Variants in THSD7B observed in about 807,000 individuals in gnomAD.
The protein encoded by THSD7B is thrombospondin type 1 domain containing 7B.
A neutral mutation model predicts 213.6 loss-of-function variants in THSD7B; 138 were observed. That is an observed-to-expected ratio of 0.65 (90% confidence interval 0.56 to 0.74). The LOEUF (loss-of-function observed/expected upper bound fraction) is 0.74. Ranked by LOEUF, THSD7B falls within the 30% of genes least tolerant of loss-of-function variation. The probability of loss-of-function intolerance (pLI) is 0.00; values close to 1 mark genes in which losing one functional copy is unlikely to be tolerated. For missense variants in THSD7B, 1,931 were observed against 1,991.5 expected (o/e 0.97, Z 0.58); for synonymous variants, 742 against 687.0 (o/e 1.08, Z -1.25).
intron 14 of THSD7B, among the ~76,000 whole-genome samples, chr2:137,427,298 C>T (rs77989931): frequency 0.021 from 3,197 of 152,018 alleles, 121 homozygotes; most frequent in African/African-American, 0.071. Context: ...TGGTATAATT[C>T]CCCCTTCCAA....
intron 15 of THSD7B, chr2:137,452,011 C>G (rs1687661489): frequency 2.2e-6 from 2 of 927,392 alleles, no homozygotes; most frequent in African/African-American, 1.8e-5. Flanking sequence ...TATGTCCTTT[C>G]TTAATTATAA....
At chr2:137,258,805 G>A (rs1231132229) in intron 10 of THSD7B, among the ~76,000 whole-genome samples, 1 of 151,782 alleles carries the variant, frequency 6.6e-6, no homozygotes, top group Non-Finnish European at 1.5e-5. Flanking sequence ...GCATGCATTA[G>A]GTATTTGTCC....
Position 136,811,498 on chromosome 2 carries a change from A to G in THSD7B, c.-36+45811A>G, listed in dbSNP as rs75128865. On this transcript the variant is annotated intron_variant, in intron 1 of 27. Transcript: ENST00000409968. ...GTTACTTCTTTAGATTAAATAAATT[A>G]ATTCCATAGTGTATAATAATTATTT... 1.6e-4 allele frequency among the ~76,000 whole-genome samples: 24 copies of G among 152,256 alleles called. No individual in the cohort carries two copies. The East Asian group carries it at 4.3e-3, about 27-fold the overall frequency.
chr2:137,050,282 G>A (rs1170095302), intron 2 of THSD7B, among the ~76,000 whole-genome samples: 1 of 152,128 alleles, frequency 6.6e-6, no homozygotes. Context: ...TTTTTAAAAG[G>A]TGGTTTTCTG....
At chr2:136,998,261 C>CAAAAAAAAAAA (rs33931359) in intron 2 of THSD7B, among the ~76,000 whole-genome samples, 36 of 98,360 alleles carry the variant, frequency 3.7e-4, no homozygotes, top group East Asian at 1.4e-3. Context: ...ACTAAAAGGC[C>CAAAAAAAAAAA]AAAAAAAAAA....
chr2:137,267,576 ATGGGCC>A (rs1682623521), intron 10 of THSD7B, among the ~76,000 whole-genome samples: 1 of 149,074 alleles, frequency 6.7e-6, no homozygotes, highest in African/African-American at 2.5e-5. Context: ...TGGAAATATC[ATGGGCC>A]TAATTGTCTG....
chr2:137,283,098 A>G lies in THSD7B; in HGVS notation c.2500+7072A>G, dbSNP rs539093395. ...TTATTTCATTGATCAGTGATTTGTCATTCTCCTTGAAGAGGTCCTTCACAT... is the reference window on the plus strand; with the variant it reads ...TTATTTCATTGATCAGTGATTTGTCGTTCTCCTTGAAGAGGTCCTTCACAT... On this transcript the variant is annotated intron_variant, in intron 12 of 27. Coordinates refer to ENST00000409968, the MANE Select transcript of THSD7B (RefSeq NM_001316349.2). Among the ~76,000 whole-genome samples, 621 of 152,056 alleles carry G rather than the reference A, an allele frequency of 4.1e-3. 4 individuals carry two copies. Among genetic ancestry groups the G allele is most frequent in the Non-Finnish European group, 6.9e-3 (466 of 67,954 alleles).
At chr2:136,992,519 T>C (rs1009488909) in intron 2 of THSD7B, among the ~76,000 whole-genome samples, 3 of 152,050 alleles carry the variant, frequency 2.0e-5, no homozygotes, top group African/African-American at 7.2e-5. Flanking sequence ...AGAAGTGATA[T>C]AGGAAAAAGA....
At chr2:136,894,205 G>C (rs1187965715) in intron 2 of THSD7B, among the ~76,000 whole-genome samples, 1 of 152,034 alleles carries the variant, frequency 6.6e-6, no homozygotes, top group Non-Finnish European at 1.5e-5. Context: ...GAATGCAGCT[G>C]CTCAAAGATT....
chr2:136,920,984 CT>C lies in THSD7B; in HGVS notation c.139+38669del, dbSNP rs1438582502. 3.3e-5 allele frequency among the ~76,000 whole-genome samples: 5 copies of C among 152,212 alleles called. No homozygotes were observed. In the East Asian group the frequency reaches 5.8e-4, roughly 18 times the overall value. The stretch of plus-strand genomic sequence containing the variant: ...CTTTGAAGCCTGCAGGGGTTGGGGG[CT>C]TCCTGGGCCCCTGAGAGCCCAGGGA... On this transcript the variant is annotated intron_variant, in intron 2 of 27. Coordinates refer to ENST00000409968, the MANE Select transcript of THSD7B (RefSeq NM_001316349.2).
intron 3 of THSD7B, among the ~76,000 whole-genome samples, chr2:137,058,349 T>C (rs1241754865): frequency 6.6e-6 from 1 of 152,186 alleles, no homozygotes; most frequent in Non-Finnish European, 1.5e-5. Flanking sequence ...GTGTGTGGGG[T>C]TGTGTAAATA....
intron 12 of THSD7B, among the ~76,000 whole-genome samples, chr2:137,316,975 A>G (rs1040245092): frequency 1.3e-5 from 2 of 152,174 alleles, no homozygotes; most frequent in Non-Finnish European, 2.9e-5. Flanking sequence ...TCTGTATTTC[A>G]AGAGTAAAAG....
chr2:137,009,592 A>G (rs933396334), intron 2 of THSD7B, among the ~76,000 whole-genome samples: 1 of 152,170 alleles, frequency 6.6e-6, no homozygotes, highest in African/African-American at 2.4e-5. Context: ...TGGAAGGGGA[A>G]AGGTGCGTCT....
intron 10 of THSD7B, among the ~76,000 whole-genome samples, chr2:137,255,054 A>G (rs1268373153): frequency 6.6e-6 from 1 of 152,154 alleles, no homozygotes; most frequent in Non-Finnish European, 1.5e-5. Context: ...AAGAATGTAA[A>G]CTTTGCAAGA....
At chr2:136,782,700 A>C (rs1681764877) in intron 1 of THSD7B, among the ~76,000 whole-genome samples, 1 of 152,186 alleles carries the variant, frequency 6.6e-6, no homozygotes, top group African/African-American at 2.4e-5. Context: ...ATTATACAGC[A>C]AGGTGACTAT....
At chr2:136,889,057 A>T (rs1010977490) in intron 2 of THSD7B, among the ~76,000 whole-genome samples, 1 of 152,020 alleles carries the variant, frequency 6.6e-6, no homozygotes, top group South Asian at 2.1e-4. Flanking sequence ...TGTAGTATAT[A>T]TTGAGGAGAG....
intron 2 of THSD7B, among the ~76,000 whole-genome samples, chr2:136,915,685 A>G (rs1391305368): frequency 6.6e-6 from 1 of 152,222 alleles, no homozygotes; most frequent in Non-Finnish European, 1.5e-5. Flanking sequence ...CAGAGAGGTA[A>G]AGTACCTGGC....
Position 137,433,511 on chromosome 2 carries a change from C to T in THSD7B, c.2960-17334C>T, listed in dbSNP as rs549018617. Among the ~76,000 whole-genome samples, 5 of 151,994 alleles carry T rather than the reference C, an allele frequency of 3.3e-5. No individual in the cohort carries two copies. The East Asian group carries it at 7.8e-4, about 24-fold the overall frequency. On this transcript the variant is annotated intron_variant, in intron 14 of 27. Transcript: ENST00000409968. ...AGCTGGGATTACAGGCAGGCACCATCCCTGGCTAATTTTTGTATATTTTGT... is the reference window on the plus strand; with the variant it reads ...AGCTGGGATTACAGGCAGGCACCATTCCTGGCTAATTTTTGTATATTTTGT...
intron 10 of THSD7B, among the ~76,000 whole-genome samples, chr2:137,254,634 A>G (rs999806758): frequency 1.8e-4 from 28 of 152,274 alleles, no homozygotes; most frequent in African/African-American, 6.7e-4. Flanking sequence ...AATTTTAGTT[A>G]ACATCTCTGA....
Sources: allele counts gnomAD v4.1 joint callset (sites outside exome capture counted in the v4.1 genomes callset), GRCh38; gene constraint gnomAD v4.1.1; transcripts MANE v1.5; gene names NCBI Gene and HGNC (gene_info 2026-07-23, HGNC 2026-07-21).